KLHL29: variants seen among roughly 807,000 people sequenced by gnomAD.
KLHL29 encodes kelch-like protein 29.
In KLHL29, 21 loss-of-function variants were observed where a neutral mutation model predicts 80.4. The ratio of observed to expected loss-of-function variants is 0.26; its 90% confidence interval spans 0.19 to 0.38. KLHL29 has a LOEUF of 0.38. Ranked by LOEUF, KLHL29 falls within the 10% of genes least tolerant of loss-of-function variation. The probability of loss-of-function intolerance (pLI) is 1.00; values close to 1 mark genes in which losing one functional copy is unlikely to be tolerated. For synonymous variants in KLHL29, 511 were observed against 526.8 expected (o/e 0.97, Z 0.41); for missense variants, 867 against 1,223.9 (o/e 0.71, Z 4.35).
At chr2:23,581,329 A>G (rs1667975518) in intron 3 of KLHL29, among the ~76,000 whole-genome samples, 1 of 152,258 alleles carries the variant, frequency 6.6e-6, no homozygotes, top group Admixed American at 6.5e-5. Flanking sequence ...TCTTTCATGT[A>G]TTCATTCAAC....
At chr2:23,451,071 T>G (rs1443685763) in intron 1 of KLHL29, among the ~76,000 whole-genome samples, 2 of 152,258 alleles carry the variant, frequency 1.3e-5, no homozygotes, top group Admixed American at 6.5e-5. Context: ...ATTCTTTCAC[T>G]TAGCATAAAC....
At chr2:23,433,870 A>G (rs1291694510) in intron 1 of KLHL29, among the ~76,000 whole-genome samples, 1 of 152,130 alleles carries the variant, frequency 6.6e-6, no homozygotes, top group Non-Finnish European at 1.5e-5. Context: ...AGTAAGTTAC[A>G]ATCACACCAC....
At chr2:23,456,296 G>A (rs1260797165) in intron 1 of KLHL29, among the ~76,000 whole-genome samples, 2 of 152,222 alleles carry the variant, frequency 1.3e-5, no homozygotes, top group Non-Finnish European at 2.9e-5. Context: ...TGGGCCCTTG[G>A]TGCAATGGGG....
chr2:23,654,098 T>C (rs1052202866), intron 5 of KLHL29, among the ~76,000 whole-genome samples: 4 of 151,850 alleles, frequency 2.6e-5, no homozygotes, highest in African/African-American at 9.7e-5. Flanking sequence ...ACCCAGGAGG[T>C]AGAGGTTGCA....
intron 2 of KLHL29, among the ~76,000 whole-genome samples, chr2:23,556,062 G>A (rs748607350): frequency 2.6e-5 from 4 of 152,234 alleles, no homozygotes; most frequent in East Asian, 1.9e-4. Context: ...TCCCAGTGAC[G>A]TGTTCCCTCC....
intron 3 of KLHL29, among the ~76,000 whole-genome samples, chr2:23,637,701 C>T (rs1209894241): frequency 1.3e-5 from 2 of 152,118 alleles, no homozygotes; most frequent in Non-Finnish European, 2.9e-5. Flanking sequence ...CCTCCGCATC[C>T]ACACCCCCTT....
Position 23,696,188 on chromosome 2 carries a change from C to A in KLHL29, c.1924+55C>A. The A allele has an allele frequency of 1.3e-6, 2 of 1,515,070 alleles. No homozygotes were observed. Among genetic ancestry groups the A allele is most frequent in the Non-Finnish European group, 8.9e-7 (1 of 1,121,176 alleles). 93.9% of individuals were successfully genotyped at this position (1,515,070 alleles called of 1,614,324 possible). ...AGGCATGGGGGTCCCAAGGGGACTG[C>A]TCCCCACGTCAGGGCTGAGGAAGGC... On this transcript the variant is annotated intron_variant, in intron 10 of 13. Transcript: ENST00000486442. The surrounding 1 kb of genome is among the most constrained non-coding windows in gnomAD (Gnocchi z 5.5).
intron 1 of KLHL29, among the ~76,000 whole-genome samples, chr2:23,470,458 T>G (rs1050122961): frequency 6.6e-6 from 1 of 152,134 alleles, no homozygotes; most frequent in African/African-American, 2.4e-5. Flanking sequence ...TTGGACAACC[T>G]TTTTTTGCCA....
At chr2:23,438,084 A>C (rs537625007) in intron 1 of KLHL29, among the ~76,000 whole-genome samples, 2 of 150,916 alleles carry the variant, frequency 1.3e-5, no homozygotes, top group South Asian at 4.3e-4. Context: ...TGTGAATGGG[A>C]GTTCACTCAT....
chr2:23,682,919 C>T lies in KLHL29; in HGVS notation c.941-1480C>T, dbSNP rs1671131465. ...TTGCCATGGCTCCCAGAGGGCAGGG[C>T]CCCCAACCCCGATCCCTGAACATGC... is the stretch of plus-strand genomic sequence containing the variant. On this transcript the variant is annotated intron_variant, in intron 5 of 13. Coordinates refer to ENST00000486442, the MANE Select transcript of KLHL29 (RefSeq NM_052920.2). The surrounding 1 kb of genome is among the most constrained non-coding windows in gnomAD (Gnocchi z 4.1). Among the ~76,000 whole-genome samples, 4 of 152,112 alleles carry T rather than the reference C, an allele frequency of 2.6e-5. No homozygotes were observed. Among genetic ancestry groups the T allele is most frequent in the Admixed American group, 2.6e-4 (4 of 15,284 alleles).
intron 5 of KLHL29, among the ~76,000 whole-genome samples, chr2:23,671,073 G>T (rs904842657): frequency 6.8e-6 from 1 of 147,950 alleles, no homozygotes; most frequent in African/African-American, 2.5e-5. Context: ...GATGGGATTC[G>T]CAGTGTTCTG....
chr2:23,663,437 C>T (rs765863787), intron 5 of KLHL29, among the ~76,000 whole-genome samples: 1 of 152,212 alleles, frequency 6.6e-6, no homozygotes, highest in Non-Finnish European at 1.5e-5. Flanking sequence ...TCCGCCGTCA[C>T]GTGTGCCGGG....
chr2:23,699,691 C>T (rs191922683), intron 11 of KLHL29, among the ~76,000 whole-genome samples: 326 of 152,286 alleles, frequency 2.1e-3, no homozygotes, highest in Non-Finnish European at 3.3e-3. Context: ...TTTGCCTTCT[C>T]GGCGCCCAGC....
At chr2:23,643,077 G>A (rs764913517) in intron 5 of KLHL29, 37 of 686,058 alleles carry the variant, frequency 5.4e-5, no homozygotes, top group Non-Finnish European at 8.5e-5. Context: ...AAATGCGCCG[G>A]GGTAAGAAGA....
intron 2 of KLHL29, among the ~76,000 whole-genome samples, chr2:23,536,938 GCT>G (rs961764440): frequency 4.6e-5 from 4 of 87,532 alleles, no homozygotes; most frequent in Admixed American, 1.3e-4. Context: ...TCCCTCTCTC[GCT>G]CTCTCTCTCT....
In KLHL29 at chr2:23,695,807, C is replaced by A; in HGVS notation, c.1727C>A (p.Pro576Gln). ...RQEMQTPRTRPRLSAGVAEVI... is the reference protein window; with the variant it reads ...RQEMQTPRTRQRLSAGVAEVI... ...GAGATGCAGACGCCCCGAACCCGGCCGCGCCTCTCTGCAGGTATGAAGGGG... is the reference window on the plus strand; with the variant it reads ...GAGATGCAGACGCCCCGAACCCGGCAGCGCCTCTCTGCAGGTATGAAGGGG... The change falls in exon 9 of 14, where the codon CCG becomes CAG. Residue 576 changes from proline (P) to glutamine (Q), a missense_variant. Transcript: ENST00000486442. The surrounding 1 kb of genome is among the most constrained non-coding windows in gnomAD (Gnocchi z 7.6). 6.5e-7 allele frequency: 1 copy of A among 1,549,404 alleles called. No individual in the cohort carries two copies. Among genetic ancestry groups the A allele is most frequent in the Non-Finnish European group, 8.7e-7 (1 of 1,146,482 alleles).
intron 2 of KLHL29, among the ~76,000 whole-genome samples, chr2:23,548,767 G>A (rs568298770): frequency 5.3e-5 from 8 of 152,308 alleles, no homozygotes; most frequent in East Asian, 1.9e-4. Context: ...GCATCATAGC[G>A]TCACCTACCT....
At position 23,624,402 on chromosome 2, in the gene KLHL29, A is replaced by G. The variant is rs538583157; in HGVS notation, c.286-14737A>G. ...TACATCTCTGCCACCCCCCTTCCCA[A>G]TCCCATGCTGATATCCACCAATTAC... is the stretch of plus-strand genomic sequence containing the variant. On this transcript the variant is annotated intron_variant, in intron 3 of 13. Coordinates refer to ENST00000486442, the MANE Select transcript of KLHL29 (RefSeq NM_052920.2). Among the ~76,000 whole-genome samples, 16 of 151,986 alleles carry G rather than the reference A, an allele frequency of 1.1e-4. 1 individual carries two copies. The highest frequency in any genetic ancestry group is 2.1e-4 in the South Asian group (1 of 4,790).
chr2:23,397,773 A>C lies in KLHL29; in HGVS notation c.-154+11993A>C, dbSNP rs528701381. ...AAACGTGCTTTCAACTCAACAAACA[A>C]ACACCTCCATTAAAAAATGGGCAAA... On this transcript the variant is annotated intron_variant, in intron 1 of 13. Transcript: ENST00000486442. 3.3e-5 allele frequency among the ~76,000 whole-genome samples: 5 copies of C among 152,308 alleles called. No individual in the cohort carries two copies. In the South Asian group the frequency reaches 6.2e-4, roughly 19 times the overall value.
Sources: gnomAD v4.1 joint callset for allele counts (sites outside exome capture counted in the v4.1 genomes callset) on GRCh38, gnomAD v4.1.1 for gene constraint, Gnocchi (gnomAD v3.1) non-coding constraint, MANE v1.5 for transcripts, NCBI Gene and HGNC (gene_info 2026-07-23, HGNC 2026-07-21) for gene names.